Variants in CFAP47 observed in about 807,000 individuals in gnomAD.
CFAP47 encodes the protein cilia- and flagella-associated protein 47.
A neutral mutation model predicts 148.1 loss-of-function variants in CFAP47; 29 were observed. That is an observed-to-expected ratio of 0.20 (90% CI 0.15 to 0.27). The LOEUF (loss-of-function observed/expected upper bound fraction) is 0.27, where lower values mean the gene tolerates loss of function less well. Ranked by LOEUF, CFAP47 falls within the 10% of genes least tolerant of loss-of-function variation. The probability of loss-of-function intolerance (pLI) is 1.00; values close to 1 mark genes in which losing one functional copy is unlikely to be tolerated. For missense variants in CFAP47, 1,872 were observed against 1,697.5 expected (o/e 1.10, Z -1.81); for synonymous variants, 664 against 577.3 (o/e 1.15, Z -2.15).
intron 39 of CFAP47, among the ~76,000 whole-genome samples, chrX:36,162,255 A>G (rs1488140775): frequency 8.9e-6 from 1 of 112,069 alleles, no homozygotes; most frequent in African/African-American, 3.2e-5. Flanking sequence ...TTTTAACTAT[A>G]TCCTTCCTTT....
intron 57 of CFAP47, among the ~76,000 whole-genome samples, chrX:36,325,963 A>G (rs1556012948): frequency 9.0e-6 from 1 of 111,623 alleles, no homozygotes; most frequent in African/African-American, 3.3e-5. Context: ...GTATGGTAAG[A>G]TATAGGACTC....
intron 21 of CFAP47, among the ~76,000 whole-genome samples, chrX:36,009,024 C>T (rs1447885568): frequency 1.8e-5 from 2 of 110,620 alleles, no homozygotes; most frequent in African/African-American, 6.6e-5. Context: ...CCTCACACTT[C>T]CTTTTTCTTC....
At chrX:35,973,515 T>C (rs1294716626) in intron 13 of CFAP47, among the ~76,000 whole-genome samples, 1 of 111,884 alleles carries the variant, frequency 8.9e-6, no homozygotes. Context: ...TATTCAAATA[T>C]TTGCTTTCTT....
At chrX:36,345,619 A>T (rs1322318492) in intron 57 of CFAP47, among the ~76,000 whole-genome samples, 1 of 111,857 alleles carries the variant, frequency 8.9e-6, no homozygotes, top group Non-Finnish European at 1.9e-5. Context: ...CTTAGTAAAC[A>T]ACATAATCTT....
chrX:36,176,946 T>G (rs1490115089), intron 39 of CFAP47, among the ~76,000 whole-genome samples: 2 of 112,050 alleles, frequency 1.8e-5, no homozygotes, highest in Non-Finnish European at 3.8e-5. Flanking sequence ...GCAAACTATA[T>G]TAAAAGCATC....
intron 33 of CFAP47, among the ~76,000 whole-genome samples, chrX:36,132,625 A>G (rs1295350112): frequency 8.9e-6 from 1 of 111,835 alleles, no homozygotes; most frequent in Non-Finnish European, 1.9e-5. Flanking sequence ...ATAAACTGTG[A>G]TGAGGGCTTG....
chrX:36,080,891 G>T (rs996003893), intron 29 of CFAP47, among the ~76,000 whole-genome samples: 2 of 111,487 alleles, frequency 1.8e-5, no homozygotes, highest in African/African-American at 6.5e-5. Context: ...TAACAAACCT[G>T]CACATTGTGC....
intron 49 of CFAP47, among the ~76,000 whole-genome samples, chrX:36,268,855 C>T (rs1397490390): frequency 2.7e-5 from 3 of 111,668 alleles, no homozygotes; most frequent in African/African-American, 9.7e-5. Flanking sequence ...TGAAGTATTT[C>T]ATTATATATT....
At chrX:36,099,334 G>T (rs780484488) in intron 31 of CFAP47, among the ~76,000 whole-genome samples, 19 of 109,897 alleles carry the variant, frequency 1.7e-4, no homozygotes, top group Non-Finnish European at 3.0e-4. Flanking sequence ...GGTCTTTGAG[G>T]AGTCTGCAGG....
rs943921664 is a variant in CFAP47 at position 36,229,122 on chromosome X, T to G, written c.7014+298T>G. Among the ~76,000 whole-genome samples, 3 of 111,751 alleles carry G rather than the reference T, an allele frequency of 2.7e-5. No homozygotes were observed. The Admixed American group carries it at 2.9e-4, about 11-fold the overall frequency. ...GTTATGGACTCTCAGGTCACTCTAC[T>G]CTAAATTCTGTTGTGATCTAACACT... On this transcript the variant is annotated intron_variant, in intron 46 of 63. Transcript: ENST00000378653.
intron 29 of CFAP47, among the ~76,000 whole-genome samples, chrX:36,074,144 G>A (rs1937806270): frequency 8.9e-6 from 1 of 111,860 alleles, no homozygotes. Context: ...TAGCTTCATG[G>A]AATGAATTGG....
chrX:36,046,736 G>A, intron 25 of CFAP47, 118 bp from the exon 26 acceptor site: 2 of 461,666 alleles, frequency 4.3e-6, no homozygotes, highest in Non-Finnish European at 7.3e-6. Context: ...TTAGGCACAT[G>A]ATTACAAATA....
In CFAP47 at chrX:35,919,990, T is replaced by A. The variant is rs756465850; in HGVS notation, c.191T>A (p.Val64Glu). 1 of 1,201,495 alleles carries A rather than the reference T, an allele frequency of 8.3e-7. No individual in the cohort carries two copies. Among genetic ancestry groups the A allele is most frequent in the African/African-American group, 1.8e-5 (1 of 56,705 alleles). Reference protein sequence around the residue: ...AGRVYRLPITVHNICRWNQKI... With the variant: ...AGRVYRLPITEHNICRWNQKI... ...AGGGTGTACCGCCTCCCGATTACTGTGCATAATATTTGCCGCTGGAACCAG... is the reference window on the plus strand; with the variant it reads ...AGGGTGTACCGCCTCCCGATTACTGAGCATAATATTTGCCGCTGGAACCAG... The change falls in exon 1 of 64, where the codon GTG becomes GAG. Residue 64 changes from valine to glutamate, a missense_variant. Transcript: ENST00000378653.
chrX:36,229,675 A>G (rs1257523083), intron 46 of CFAP47, among the ~76,000 whole-genome samples: 5 of 109,468 alleles, frequency 4.6e-5, no homozygotes, highest in Non-Finnish European at 7.6e-5. Flanking sequence ...TTAGTTACAT[A>G]TGTATACATG....
At chrX:36,175,846 C>A (rs1431902972) in intron 39 of CFAP47, among the ~76,000 whole-genome samples, 3 of 113,731 alleles carry the variant, frequency 2.6e-5, no homozygotes, top group Non-Finnish European at 5.6e-5. Context: ...AGCTTCCAGG[C>A]TGCTTTGTTT....
chrX:36,195,568 A>G (rs1939911057), intron 42 of CFAP47, among the ~76,000 whole-genome samples: 2 of 111,863 alleles, frequency 1.8e-5, no homozygotes, highest in Non-Finnish European at 3.8e-5. Flanking sequence ...CAAAACAGAT[A>G]GTAGATTACA....
At chrX:36,348,373 T>A in intron 58 of CFAP47, 85 bp downstream of exon 58, 1 of 445,466 alleles carries the variant, frequency 2.2e-6, no homozygotes, top group Middle Eastern at 4.0e-4. Flanking sequence ...ATGTTATACA[T>A]ATATAATGTC....
rs777471012 is a variant in CFAP47, at chrX:36,002,182, A to G, written c.3417+475A>G. On this transcript the variant is annotated intron_variant, in intron 21 of 63. Transcript: ENST00000378653. The stretch of plus-strand genomic sequence containing the variant: ...GAGCAAACAAACAGACAAAAAACCT[A>G]TTCTGAAATGTGCCCAGAAGGAAGG... 2.3e-3 allele frequency among the ~76,000 whole-genome samples: 258 copies of G among 111,422 alleles called. 2 individuals carry two copies. Among genetic ancestry groups the G allele is most frequent in the South Asian group, 9.6e-3 (25 of 2,611 alleles).
intron 21 of CFAP47, among the ~76,000 whole-genome samples, chrX:36,012,614 T>C (rs986768867): frequency 9.0e-6 from 1 of 110,782 alleles, no homozygotes; most frequent in East Asian, 2.9e-4. Context: ...AGTTGAACAA[T>C]GAGAACACAT....
Sources: gnomAD v4.1 joint callset for allele counts (sites outside exome capture counted in the v4.1 genomes callset) on GRCh38, gnomAD v4.1.1 for gene constraint, MANE v1.5 for transcripts, NCBI Gene and HGNC (gene_info 2026-07-23, HGNC 2026-07-21) for gene names.